The following CACNB2 variants were observed in gnomAD, a reference collection of about 807,000 sequenced individuals.
CACNB2 encodes voltage-dependent L-type calcium channel subunit beta-2.
CACNB2 carries 42 observed loss-of-function variants against 73.3 expected under a neutral mutation model. That is an observed-to-expected ratio of 0.57 (90% confidence interval 0.45 to 0.74). CACNB2 has a LOEUF of 0.74. CACNB2 is among the 30% of genes least tolerant of loss of function. The pLI is 0.00. For missense variants in CACNB2, 940 were observed against 853.0 expected (o/e 1.10, Z -1.27); for synonymous variants, 348 against 310.3 (o/e 1.12, Z -1.28).
intron 3 of CACNB2, among the ~76,000 whole-genome samples, chr10:18,412,107 A>C (rs1370407843): frequency 6.6e-6 from 1 of 152,166 alleles, no homozygotes; most frequent in Non-Finnish European, 1.5e-5. Flanking sequence ...TTTATCCTCC[A>C]ACAGGCTGGC....
intron 2 of CACNB2, among the ~76,000 whole-genome samples, chr10:18,310,725 A>C (rs958526060): frequency 1.3e-5 from 2 of 149,746 alleles, no homozygotes; most frequent in African/African-American, 2.4e-5. Context: ...GATTACAGGC[A>C]TGCGCCACCA....
intron 2 of CACNB2, among the ~76,000 whole-genome samples, chr10:18,251,392 C>A (rs998668510): frequency 1.3e-5 from 2 of 152,018 alleles, no homozygotes; most frequent in Non-Finnish European, 2.9e-5. Flanking sequence ...AGGTCACACA[C>A]GCCTGCCACA....
intron 3 of CACNB2, among the ~76,000 whole-genome samples, chr10:18,420,710 G>T (rs1345292054): frequency 1.3e-5 from 2 of 152,080 alleles, no homozygotes; most frequent in African/African-American, 2.4e-5. Context: ...GCACCCTGTG[G>T]TGCAATCAAG....
At chr10:18,475,560 C>G (rs986430405) in intron 3 of CACNB2, among the ~76,000 whole-genome samples, 28 of 152,168 alleles carry the variant, frequency 1.8e-4, no homozygotes, top group Admixed American at 1.3e-4. Context: ...CACCGCTGGA[C>G]CACATTCCAA....
chr10:18,212,358 A>G (rs1346200094), intron 2 of CACNB2, among the ~76,000 whole-genome samples: 2 of 74,300 alleles, frequency 2.7e-5, no homozygotes, highest in Non-Finnish European at 7.2e-5. Flanking sequence ...TTTGCCATAT[A>G]TTGTGTTTTT....
chr10:18,418,566 A>G (rs2045134591), intron 3 of CACNB2, among the ~76,000 whole-genome samples: 2 of 152,226 alleles, frequency 1.3e-5, no homozygotes, highest in Non-Finnish European at 2.9e-5. Flanking sequence ...TGCCTGTAAC[A>G]GTAACTGAGT....
chr10:18,420,330 C>CAGAG lies in CACNB2; in HGVS notation c.333+18305_333+18308dup, dbSNP rs147004230. On this transcript the variant is annotated intron_variant, in intron 3 of 13. Coordinates refer to ENST00000324631, the MANE Select transcript of CACNB2 (RefSeq NM_201596.3). ...AAACACACATACACACACACACACA[C>CAGAG]AGAGAGAGAGAGAGAGAGAGAAGTA... Among the ~76,000 whole-genome samples the CAGAG allele has an allele frequency of 4.5e-4, 66 of 147,686 alleles. No homozygotes were observed. In the South Asian group the frequency reaches 5.6e-3, roughly 12 times the overall value.
chr10:18,509,953 T>G (rs2133094496), intron 6 of CACNB2, among the ~76,000 whole-genome samples: 1 of 152,330 alleles, frequency 6.6e-6, no homozygotes, highest in African/African-American at 2.4e-5. Flanking sequence ...AATATAAGTA[T>G]GAAATTTAAA....
intron 2 of CACNB2, chr10:18,340,795 C>G: frequency 1.3e-6 from 2 of 1,594,440 alleles, no homozygotes; most frequent in Middle Eastern, 1.7e-4. Flanking sequence ...CCCAAGCCAG[C>G]AAGAAAAAGG....
rs946681094 is a variant in CACNB2 at position 18,539,508 on chromosome 10, C to T, written c.1767C>T (p.Asn589=). 1 of 1,614,020 alleles carries T rather than the reference C, an allele frequency of 6.2e-7. No homozygotes were observed. The highest frequency in any genetic ancestry group is 8.5e-7 in the Non-Finnish European group (1 of 1,179,984). Residue 589 remains asparagine, a synonymous_variant, in exon 14 of 14, where the codon AAC becomes AAT. Transcript: ENST00000324631. ...VDHYASHRDH[N]HRDETHGSSD... ...ACTATGCCTCACACCGTGACCACAACCACAGAGACGAGACCCACGGGAGCA... is the reference window on the plus strand; with the variant it reads ...ACTATGCCTCACACCGTGACCACAATCACAGAGACGAGACCCACGGGAGCA...
intron 2 of CACNB2, among the ~76,000 whole-genome samples, chr10:18,325,332 G>A (rs894926090): frequency 2.6e-5 from 4 of 152,042 alleles, no homozygotes; most frequent in Non-Finnish European, 5.9e-5. Context: ...TGGGACTACA[G>A]GCATGCACCA....
rs1377176967 is a variant in CACNB2 at position 18,242,841 on chromosome 10, A to C, written c.213+91866A>C. Among the ~76,000 whole-genome samples the C allele has an allele frequency of 5.4e-4, 69 of 127,222 alleles. 1 individual carries two copies. The highest frequency in any genetic ancestry group is 1.1e-3 in the African/African-American group (38 of 34,366). The allele number at this position is 127,222 out of a possible 152,430, so 83.5% of individuals were successfully genotyped here. A position where few individuals can be genotyped will look rare whatever the true frequency, so the allele number is the denominator to read the frequency against. On this transcript the variant is annotated intron_variant, in intron 2 of 13. Coordinates refer to ENST00000324631, the MANE Select transcript of CACNB2 (RefSeq NM_201596.3). ...CTACTAAAAATGCAAAAAAAAAAAAACCAAAAAAACAAAAAAACATTAGCC... is the reference window on the plus strand; with the variant it reads ...CTACTAAAAATGCAAAAAAAAAAAACCCAAAAAAACAAAAAAACATTAGCC...
chr10:18,418,007 C>T (rs1021593425), intron 3 of CACNB2, among the ~76,000 whole-genome samples: 6 of 152,104 alleles, frequency 3.9e-5, no homozygotes, highest in African/African-American at 1.2e-4. Context: ...AACATGAAGA[C>T]GAGTTATAAA....
chr10:18,226,874 G>A (rs989312171), intron 2 of CACNB2, among the ~76,000 whole-genome samples: 1 of 152,096 alleles, frequency 6.6e-6, no homozygotes, highest in Non-Finnish European at 1.5e-5. Context: ...CAGGTCTGCG[G>A]TTATTGGTGT....
At chr10:18,460,371 C>G (rs913005429) in intron 3 of CACNB2, among the ~76,000 whole-genome samples, 4 of 152,046 alleles carry the variant, frequency 2.6e-5, no homozygotes, top group Admixed American at 6.6e-5. Flanking sequence ...CCAAGGGAAG[C>G]CTTTCTCAAA....
At chr10:18,399,030 A>T (rs563991522) in intron 2 of CACNB2, among the ~76,000 whole-genome samples, 1 of 152,282 alleles carries the variant, frequency 6.6e-6, no homozygotes, top group East Asian at 1.9e-4. Flanking sequence ...GCACAAAATT[A>T]TGTGTGGGTG....
intron 2 of CACNB2, among the ~76,000 whole-genome samples, chr10:18,317,322 T>C (rs1267714810): frequency 6.6e-6 from 1 of 152,142 alleles, no homozygotes; most frequent in Non-Finnish European, 1.5e-5. Context: ...CGCTGAGGTT[T>C]GGGCTTCTAA....
At chr10:18,281,845 T>C (rs1424467808) in intron 2 of CACNB2, among the ~76,000 whole-genome samples, 2 of 151,942 alleles carry the variant, frequency 1.3e-5, no homozygotes, top group African/African-American at 4.8e-5. Context: ...CCGGGCATGA[T>C]AGTGCATGGC....
intron 3 of CACNB2, among the ~76,000 whole-genome samples, chr10:18,410,359 A>T (rs1222292232): frequency 6.6e-6 from 1 of 152,218 alleles, no homozygotes; most frequent in East Asian, 1.9e-4. Context: ...AGTTTTCAGT[A>T]AACATACTAC....
Sources: allele counts gnomAD v4.1 joint callset (sites outside exome capture counted in the v4.1 genomes callset), GRCh38; gene constraint gnomAD v4.1.1; transcripts MANE v1.5; gene names NCBI Gene and HGNC (gene_info 2026-07-23, HGNC 2026-07-21).